Variants in ADAMTS6 observed in about 807,000 individuals in gnomAD.
ADAMTS6 encodes the protein A disintegrin and metalloproteinase with thrombospondin motifs 6.
A neutral mutation model predicts 144.3 loss-of-function variants in ADAMTS6; 23 were observed. The ratio of observed to expected loss-of-function variants is 0.16; its 90% CI spans 0.11 to 0.23. The LOEUF is 0.23. Among genes scored for constraint, ADAMTS6 ranks in the 10% least tolerant of loss-of-function variants. The pLI, the probability that ADAMTS6 is intolerant of heterozygous loss-of-function variation, is 1.00. For synonymous variants in ADAMTS6, 444 were observed against 457.5 expected (o/e 0.97, Z 0.38); for missense variants, 999 against 1,379.6 (o/e 0.72, Z 4.37).
At chr5:65,292,018 T>C (rs1031204108) in intron 10 of ADAMTS6, among the ~76,000 whole-genome samples, 2 of 152,142 alleles carry the variant, frequency 1.3e-5, no homozygotes, top group Non-Finnish European at 2.9e-5. Context: ...CTCTCAAATA[T>C]ATTAGAAGTG....
At chr5:65,170,841 A>T in intron 23 of ADAMTS6, 68 bp from the exon 24 acceptor site, 1 of 1,502,900 alleles carries the variant, frequency 6.7e-7, no homozygotes, top group Non-Finnish European at 9.1e-7. Flanking sequence ...AAAATATACT[A>T]TGTCATTTCA....
At chr5:65,336,097 A>C (rs1747280551) in intron 7 of ADAMTS6, among the ~76,000 whole-genome samples, 1 of 152,140 alleles carries the variant, frequency 6.6e-6, no homozygotes, top group Admixed American at 6.5e-5. Flanking sequence ...TATAGACAAA[A>C]CCAACTTAGA....
At chr5:65,361,047 A>G (rs1236469713) in intron 7 of ADAMTS6, among the ~76,000 whole-genome samples, 1 of 152,160 alleles carries the variant, frequency 6.6e-6, no homozygotes, top group Admixed American at 6.5e-5. Flanking sequence ...ATTATAATGG[A>G]TTTAGTGTAA....
chr5:65,269,664 A>C (rs1761905830), intron 12 of ADAMTS6, among the ~76,000 whole-genome samples: 1 of 152,160 alleles, frequency 6.6e-6, no homozygotes, highest in African/African-American at 2.4e-5. Flanking sequence ...TAGGGCTAGT[A>C]AGTCTTATTT....
At chr5:65,231,460 A>G (rs1233173537) in intron 15 of ADAMTS6, among the ~76,000 whole-genome samples, 1 of 152,172 alleles carries the variant, frequency 6.6e-6, no homozygotes, top group African/African-American at 2.4e-5. Context: ...ACTTTCAACA[A>G]TGGATAGATC....
intron 18 of ADAMTS6, among the ~76,000 whole-genome samples, chr5:65,222,905 G>A (rs908804851): frequency 7.9e-5 from 12 of 151,700 alleles, no homozygotes; most frequent in Non-Finnish European, 8.8e-5. Flanking sequence ...AAATGAAGAC[G>A]CAAGCAGAAA....
At chr5:65,196,906 T>C (rs115471417) in intron 21 of ADAMTS6, 116 bp downstream of exon 21, 24,498 of 1,291,166 alleles carry the variant, frequency 0.019, 316 homozygotes, top group Middle Eastern at 0.023. Flanking sequence ...GGATGTTTTC[T>C]ACCTTTTTTC....
intron 24 of ADAMTS6, among the ~76,000 whole-genome samples, chr5:65,156,610 C>G (rs536339471): frequency 2.6e-5 from 4 of 152,268 alleles, no homozygotes; most frequent in African/African-American, 9.6e-5. Context: ...AAAAGAATTA[C>G]TTAGTTTCAG....
chr5:65,444,300 G>A (rs1758098819), intron 7 of ADAMTS6, among the ~76,000 whole-genome samples: 1 of 152,156 alleles, frequency 6.6e-6, no homozygotes, highest in South Asian at 2.1e-4. Flanking sequence ...GCGGAGGCAG[G>A]AGAATCACAA....
At chr5:65,449,185 C>T (rs1758533553) in intron 7 of ADAMTS6, among the ~76,000 whole-genome samples, 3 of 152,276 alleles carry the variant, frequency 2.0e-5, no homozygotes, top group African/African-American at 7.2e-5. Flanking sequence ...TTCTACACTG[C>T]TGCAAAAAGC....
chr5:65,368,901 C>T (rs1318369226), intron 7 of ADAMTS6, among the ~76,000 whole-genome samples: 1 of 152,048 alleles, frequency 6.6e-6, no homozygotes, highest in African/African-American at 2.4e-5. Flanking sequence ...CTAAAAAATA[C>T]AAAAATTAGC....
At chr5:65,438,162 C>G (rs1163381093) in intron 7 of ADAMTS6, among the ~76,000 whole-genome samples, 2 of 152,120 alleles carry the variant, frequency 1.3e-5, no homozygotes, top group African/African-American at 4.8e-5. Context: ...ATTCATTTTG[C>G]TATTCACCTC....
intron 3 of ADAMTS6, among the ~76,000 whole-genome samples, chr5:65,468,034 A>G (rs1231841266): frequency 1.3e-5 from 2 of 152,218 alleles, no homozygotes; most frequent in Non-Finnish European, 2.9e-5. Context: ...GCACTGAGAA[A>G]AAGTAAAAGT....
Position 65,173,257 on chromosome 5 carries a change from T to C in ADAMTS6, c.2911-249A>G, listed in dbSNP as rs529584655. ...TTGGCTAACTCATTTTCTTGCTCTA[T>C]TGGGGATAGGTTGATTCCTCTATTC... On this transcript the variant is annotated intron_variant, in intron 22 of 24. Transcript: ENST00000381055. Among the ~76,000 whole-genome samples, 10 of 152,330 alleles carry C rather than the reference T, an allele frequency of 6.6e-5. No individual in the cohort carries two copies. In the East Asian group the frequency reaches 1.3e-3, roughly 21 times the overall value.
intron 7 of ADAMTS6, among the ~76,000 whole-genome samples, chr5:65,355,410 A>G (rs919373566): frequency 4.6e-5 from 7 of 151,826 alleles, no homozygotes; most frequent in African/African-American, 1.7e-4. Flanking sequence ...GCTATATAGG[A>G]CATGACTCTC....
At chr5:65,173,641 T>G (rs1374918940) in intron 22 of ADAMTS6, among the ~76,000 whole-genome samples, 3 of 152,184 alleles carry the variant, frequency 2.0e-5, no homozygotes, top group African/African-American at 7.2e-5. Context: ...GTACCTCATC[T>G]CCAGGTGTTT....
At chr5:65,395,374 G>A (rs1753255782) in intron 7 of ADAMTS6, among the ~76,000 whole-genome samples, 1 of 152,058 alleles carries the variant, frequency 6.6e-6, no homozygotes, top group African/African-American at 2.4e-5. Flanking sequence ...GTCCTTTAAG[G>A]TTTGATTTAA....
At chr5:65,193,482 T>C (rs1755137440) in intron 21 of ADAMTS6, among the ~76,000 whole-genome samples, 1 of 151,992 alleles carries the variant, frequency 6.6e-6, no homozygotes, top group Admixed American at 6.6e-5. Context: ...AAATGTTCAG[T>C]CCCATCAGCA....
intron 20 of ADAMTS6, among the ~76,000 whole-genome samples, chr5:65,199,801 T>C (rs1202084352): frequency 1.3e-5 from 2 of 152,186 alleles, no homozygotes; most frequent in African/African-American, 4.8e-5. Context: ...ATAAACACAG[T>C]ATCTCTTGGG....
Sources: allele counts gnomAD v4.1 joint callset (sites outside exome capture counted in the v4.1 genomes callset), GRCh38; gene constraint gnomAD v4.1.1; transcripts MANE v1.5; gene names NCBI Gene and HGNC (gene_info 2026-07-23, HGNC 2026-07-21).